The following SLC6A13 variants were observed in gnomAD, a reference collection of about 807,000 sequenced individuals.
SLC6A13 encodes sodium- and chloride-dependent GABA transporter 2.
SLC6A13 carries 69 observed loss-of-function variants against 72.9 expected under a neutral mutation model. The ratio of observed to expected loss-of-function variants is 0.95; its 90% CI spans 0.78 to 1.16. The LOEUF (loss-of-function observed/expected upper bound fraction) is 1.16. Ranked by LOEUF, SLC6A13 falls within the 50% of genes most tolerant of loss-of-function variation. SLC6A13 has a pLI of 0.00. For missense variants in SLC6A13, 735 were observed against 760.5 expected, an observed-to-expected ratio of 0.97 and a Z score of 0.39; for synonymous variants, 303 against 303.0, an observed-to-expected ratio of 1.00 and a Z score of 0.00.
intron 3 of SLC6A13, 134 bp from the exon 4 acceptor site, chr12:242,888 G>T: frequency 1.6e-6 from 1 of 623,506 alleles, no homozygotes. Context: ...GAGGGAAACT[G>T]CTATTTTTGT....
chr12:238,408 T>G (rs1339737356), intron 4 of SLC6A13: 13 of 1,140,622 alleles, frequency 1.1e-5, no homozygotes, highest in African/African-American at 1.6e-5. Context: ...TGGAAAGCTC[T>G]GGCTTGAATG....
chr12:234,505 A>G (rs1941845718), intron 7 of SLC6A13, among the ~76,000 whole-genome samples: 1 of 151,608 alleles, frequency 6.6e-6, no homozygotes, highest in South Asian at 2.1e-4. Context: ...ATTTCATTTT[A>G]TTTTATTTTA....
At chr12:223,723 T>TC (rs1941316494) in intron 11 of SLC6A13, 1 of 435,212 alleles carries the variant, frequency 2.3e-6, no homozygotes, top group African/African-American at 2.0e-5. Flanking sequence ...AGTCAGCTTC[T>TC]CCCAATCCAA....
intron 11 of SLC6A13, 122 bp from the exon 12 acceptor site, chr12:223,356 A>G: frequency 5.4e-6 from 3 of 552,890 alleles, no homozygotes; most frequent in South Asian, 5.7e-5. Flanking sequence ...ATCACAGGAG[A>G]TGGATCATAA....
intron 3 of SLC6A13, among the ~76,000 whole-genome samples, chr12:243,114 A>T (rs548983340): frequency 5.3e-5 from 8 of 151,778 alleles, no homozygotes; most frequent in Non-Finnish European, 1.0e-4. Flanking sequence ...GGTTCAAGAG[A>T]TTCTCCTGCC....
At chr12:237,755 C>T (rs1941992443) in intron 5 of SLC6A13, among the ~76,000 whole-genome samples, 171 bp downstream of exon 5, 1 of 152,208 alleles carries the variant, frequency 6.6e-6, no homozygotes, top group African/African-American at 2.4e-5. Context: ...GCAGAAGTCT[C>T]ATCTCTGAAA....
chr12:257,661 C>T (rs752256770), intron 2 of SLC6A13, among the ~76,000 whole-genome samples: 2 of 152,144 alleles, frequency 1.3e-5, no homozygotes, highest in Non-Finnish European at 2.9e-5. Flanking sequence ...TCTGCGTTCC[C>T]ACACAAGACA....
rs768827426 is a variant in SLC6A13, at chr12:224,022, G to A, written c.1281C>T (p.Ser427=). 4 of 1,613,418 alleles carry A rather than the reference G, an allele frequency of 2.5e-6. No homozygotes were observed. In the South Asian group the frequency reaches 4.4e-5, roughly 18 times the overall value. Residue 427 remains serine, a synonymous_variant, in exon 11 of 15, where the codon TCC becomes TCT. Transcript: ENST00000343164. ...TGAGCATGATCAGCCCCACAAGGAA[G>A]GAGACGACAGATACTCCAAGGATGA... ...EVLILGVSVV[S]FLVGLIMLTE... is the part of the protein sequence containing the mutation.
At chr12:224,589 C>A (rs527671011) in intron 9 of SLC6A13, 76 bp from the exon 10 acceptor site, 4 of 1,166,064 alleles carry the variant, frequency 3.4e-6, no homozygotes, top group South Asian at 2.6e-5. Flanking sequence ...GGCTTCCCAG[C>A]GTGGGGCCAC....
intron 2 of SLC6A13, among the ~76,000 whole-genome samples, chr12:258,660 C>T (rs1210821134): frequency 6.6e-6 from 1 of 152,168 alleles, no homozygotes; most frequent in Non-Finnish European, 1.5e-5. Context: ...GTTGGGAAAT[C>T]CCTCTAGCTA....
At chr12:251,135 A>G (rs549664716) in intron 2 of SLC6A13, among the ~76,000 whole-genome samples, 24 of 151,532 alleles carry the variant, frequency 1.6e-4, no homozygotes, top group African/African-American at 5.1e-4. Flanking sequence ...CAGCCTGGGC[A>G]ACAGAGCAAG....
chr12:224,895 G>T (rs867882315), intron 9 of SLC6A13, among the ~76,000 whole-genome samples: 6 of 152,326 alleles, frequency 3.9e-5, no homozygotes, highest in South Asian at 2.1e-4. Context: ...ATGCAAGGAG[G>T]TGGCTGGGCC....
chr12:259,976 T>A lies in SLC6A13; in HGVS notation c.77A>T (p.Glu26Val). ...GTGCCCCCGCTCCAGGGTGCCATCT[T>A]CCTCCTTCTTTTCCATGACTGGATA... ...PVYPVMEKKEEDGTLERGHWN... is the reference protein window; with the variant it reads ...PVYPVMEKKEVDGTLERGHWN... The change falls in exon 2 of 15, where the codon GAA becomes GTA. Residue 26 changes from glutamate (E) to valine (V), a missense_variant. Coordinates refer to ENST00000343164, the MANE Select transcript of SLC6A13 (RefSeq NM_016615.5). The A allele has an allele frequency of 6.2e-6, 10 of 1,614,244 alleles. No individual in the cohort carries two copies. The highest frequency in any genetic ancestry group is 8.5e-6 in the Non-Finnish European group (10 of 1,180,040).
chr12:241,197 G>C (rs1308928737), intron 4 of SLC6A13, among the ~76,000 whole-genome samples: 5 of 152,164 alleles, frequency 3.3e-5, no homozygotes, highest in African/African-American at 1.2e-4. Flanking sequence ...CCATCTACTT[G>C]GGAGGCTGAA....
chr12:243,360 C>T lies in SLC6A13; in HGVS notation c.337+319G>A, dbSNP rs570040410. Reference sequence around the variant, plus strand: ...ATAATTTTTTCTCATTTAAAGTTCTCTTTTAAAATGTTTATAATTGATTTA... The same window carrying T: ...ATAATTTTTTCTCATTTAAAGTTCTTTTTTAAAATGTTTATAATTGATTTA... On this transcript the variant is annotated intron_variant, in intron 3 of 14. Transcript: ENST00000343164. Among the ~76,000 whole-genome samples, 25 of 152,342 alleles carry T rather than the reference C, an allele frequency of 1.6e-4. 1 individual carries two copies. In the South Asian group the frequency reaches 5.2e-3, roughly 32 times the overall value.
intron 2 of SLC6A13, among the ~76,000 whole-genome samples, chr12:256,935 T>C (rs943553265): frequency 6.6e-6 from 1 of 152,114 alleles, no homozygotes; most frequent in African/African-American, 2.4e-5. Context: ...GGCCCCAGTC[T>C]GAGAATGGTG....
chr12:237,178 C>A lies in SLC6A13; in HGVS notation c.676G>T (p.Gly226Trp), dbSNP rs753868127. Residue 226 changes from glycine to tryptophan, a missense_variant, in exon 6 of 15, where the codon GGG becomes TGG. Physicochemically the swap from Gly to Trp is radical, Grantham distance 184. Coordinates refer to ENST00000343164, the MANE Select transcript of SLC6A13 (RefSeq NM_016615.5). ...WVICYFCIWKGVKSTGKVVYF... is the reference protein window; with the variant it reads ...WVICYFCIWKWVKSTGKVVYF... ...CGAACCTTGCCTGTGGACTTCACCC[C>A]CTTCCAGATGCAGAAGTAGCAGATG... 2.5e-6 allele frequency: 4 copies of A among 1,614,102 alleles called. No homozygotes were observed. Among genetic ancestry groups the A allele is most frequent in the Non-Finnish European group, 3.4e-6 (4 of 1,179,984 alleles).
chr12:227,573 G>A lies in SLC6A13; in HGVS notation c.927C>T (p.Asn309=). 1.9e-6 allele frequency: 3 copies of A among 1,614,006 alleles called. No homozygotes were observed. The highest frequency in any genetic ancestry group is 2.5e-6 in the Non-Finnish European group (3 of 1,179,920). ...ALGSYNKYHN[N]CYRDCIALCF... Reference sequence around the variant, plus strand: ...CCCACGCCCCCAATCACCTGTAGCAGTTGTTGTGGTACTTGTTGTAGCTGC... The same window carrying A: ...CCCACGCCCCCAATCACCTGTAGCAATTGTTGTGGTACTTGTTGTAGCTGC... Residue 309 remains asparagine, a synonymous_variant, in exon 8 of 15, where the codon AAC becomes AAT. Transcript: ENST00000343164.
At chr12:229,296 GAA>G (rs1032689336) in intron 7 of SLC6A13, among the ~76,000 whole-genome samples, 2 of 152,232 alleles carry the variant, frequency 1.3e-5, no homozygotes, top group Non-Finnish European at 1.5e-5. Context: ...TTTAAAAAAA[GAA>G]AAGTTTCAGT....
Sources: allele counts gnomAD v4.1 joint callset (sites outside exome capture counted in the v4.1 genomes callset), GRCh38; gene constraint gnomAD v4.1.1; transcripts MANE v1.5; gene names NCBI Gene and HGNC (gene_info 2026-07-23, HGNC 2026-07-21).